The following SBNO2 variants were observed in gnomAD, a reference collection of about 807,000 sequenced individuals.
The protein encoded by SBNO2 is protein strawberry notch homolog 2.
Under a neutral mutation model 146.3 loss-of-function variants are expected in SBNO2, and 89 were observed. The observed-to-expected ratio is 0.61, with a 90% CI of 0.51 to 0.73. SBNO2 has a LOEUF of 0.73. Ranked by LOEUF, SBNO2 falls within the 30% of genes least tolerant of loss-of-function variation. The probability of loss-of-function intolerance (pLI) is 0.00; values close to 1 mark genes in which losing one functional copy is unlikely to be tolerated. For missense variants in SBNO2, 2,092 were observed against 2,003.7 expected, an observed-to-expected ratio of 1.04 and a Z score of -0.84; for synonymous variants, 1,147 against 892.6, an observed-to-expected ratio of 1.29 and a Z score of -5.08.
At chr19:1,143,200 G>C (rs2080156828) in intron 4 of SBNO2, among the ~76,000 whole-genome samples, 1 of 152,042 alleles carries the variant, frequency 6.6e-6, no homozygotes, top group Admixed American at 6.6e-5. Flanking sequence ...CCAACAAGCT[G>C]AATATGGTGG....
intron 1 of SBNO2, among the ~76,000 whole-genome samples, chr19:1,163,628 C>T (rs2080371738): frequency 6.6e-6 from 1 of 152,238 alleles, no homozygotes; most frequent in African/African-American, 2.4e-5. Context: ...GCAGTGGCTC[C>T]AGGCTGCCAA....
At chr19:1,129,303 A>AG (rs999038717) in intron 4 of SBNO2, among the ~76,000 whole-genome samples, 2 of 152,106 alleles carry the variant, frequency 1.3e-5, no homozygotes, top group Non-Finnish European at 1.5e-5. Context: ...AGGCATGTCA[A>AG]GGGGGCGCTG....
rs564235160 is a variant in SBNO2 at position 1,109,346 on chromosome 19, G to C, written c.3294C>G (p.Ile1098Met). Reference protein sequence around the residue: ...GQFFTVYKPNIGRQSQLEALD... With the variant: ...GQFFTVYKPNMGRQSQLEALD... ...GGGCCTCCAGCTGGCTCTGCCGGCC[G>C]ATGTTGGGCTTGTACACCGTGAAGA... The change falls in exon 29 of 32, where the codon ATC (isoleucine) becomes ATG (methionine). Residue 1098 changes from isoleucine to methionine, a missense_variant. Physicochemically the swap from Ile to Met is conservative, Grantham distance 10 (BLOSUM62 1). Transcript: ENST00000361757. The surrounding 1 kb of genome is among the most constrained non-coding windows in gnomAD (Gnocchi z 4.2). 4 of 1,593,960 alleles carry C rather than the reference G, an allele frequency of 2.5e-6. No individual in the cohort carries two copies. Among genetic ancestry groups the C allele is most frequent in the Non-Finnish European group, 3.4e-6 (4 of 1,171,348 alleles).
At position 1,108,894 on chromosome 19, in the gene SBNO2, C is replaced by G. The variant is rs1222193729; in HGVS notation, c.3501G>C (p.Leu1167=). The change falls in exon 31 of 32, where the codon CTG becomes CTC. Residue 1167 remains leucine (L), a synonymous_variant. Coordinates refer to ENST00000361757, the MANE Select transcript of SBNO2 (RefSeq NM_014963.3). ...QGLRLRHHYM[L]CGALLRVWGR... The stretch of plus-strand genomic sequence containing the variant: ...CCCACACGCGCAGCAGCGCGCCGCA[C>G]AGCATGTAGTGGTGCCGCAGCCGCA... 1 of 1,587,328 alleles carries G rather than the reference C, an allele frequency of 6.3e-7. No individual in the cohort carries two copies.
chr19:1,128,177 C>G (rs1356295727), intron 4 of SBNO2: 1 of 484,300 alleles, frequency 2.1e-6, no homozygotes, highest in South Asian at 1.5e-5. Flanking sequence ...GTGAGAAACA[C>G]CAACCCTCAG....
chr19:1,131,251 C>T lies in SBNO2; in HGVS notation c.280-3486G>A, dbSNP rs576031590. On this transcript the variant is annotated intron_variant, in intron 4 of 31. Transcript: ENST00000361757. Reference sequence around the variant, plus strand: ...CGGACCCAGTGCCTCCCCAGGGAACCGGGCCCCTCTGCAGTCTGTAGTGAG... The same window carrying T: ...CGGACCCAGTGCCTCCCCAGGGAACTGGGCCCCTCTGCAGTCTGTAGTGAG... Among the ~76,000 whole-genome samples the T allele has an allele frequency of 2.0e-5, 3 of 152,304 alleles. No individual in the cohort carries two copies. In the South Asian group the frequency reaches 6.2e-4, roughly 32 times the overall value.
chr19:1,168,326 C>T lies in SBNO2; in HGVS notation c.-127+5846G>A, dbSNP rs1472555371. Among the ~76,000 whole-genome samples, 6 of 152,226 alleles carry T rather than the reference C, an allele frequency of 3.9e-5. No homozygotes were observed. The East Asian group carries it at 9.7e-4, about 24-fold the overall frequency. The stretch of plus-strand genomic sequence containing the variant: ...CTGATAAAAGCCCCCGAAAATGCCC[C>T]GGTCAGCCCAGCCACACCCGGGCAA... On this transcript the variant is annotated intron_variant, in intron 1 of 31. Coordinates refer to ENST00000361757, the MANE Select transcript of SBNO2 (RefSeq NM_014963.3).
At position 1,122,810 on chromosome 19, in the gene SBNO2, C is replaced by A. The variant is rs933523615; in HGVS notation, c.781-19G>T. 6.5e-7 allele frequency: 1 copy of A among 1,538,032 alleles called. No homozygotes were observed. Among genetic ancestry groups the A allele is most frequent in the Non-Finnish European group, 8.7e-7 (1 of 1,146,068 alleles). ...CGTGTTGCTGTTGCCGGAGAGCAGG[C>A]GTCAGGGCCTGGGGGTGCTGGCCCG... On this transcript the variant is annotated intron_variant, in intron 8 of 31. Coordinates refer to ENST00000361757, the MANE Select transcript of SBNO2 (RefSeq NM_014963.3).
chr19:1,108,888 G>C lies in SBNO2; in HGVS notation c.3507C>G (p.Gly1169=), dbSNP rs752909677. ...LRLRHHYMLC[G]ALLRVWGRIA... ...TGCGGCCCCACACGCGCAGCAGCGCGCCGCACAGCATGTAGTGGTGCCGCA... is the reference window on the plus strand; with the variant it reads ...TGCGGCCCCACACGCGCAGCAGCGCCCCGCACAGCATGTAGTGGTGCCGCA... The change falls in exon 31 of 32, where the codon GGC becomes GGG. Residue 1169 remains glycine (G), a synonymous_variant. Coordinates refer to ENST00000361757, the MANE Select transcript of SBNO2 (RefSeq NM_014963.3). 2.5e-6 allele frequency: 4 copies of C among 1,588,590 alleles called. No individual in the cohort carries two copies. Among genetic ancestry groups the C allele is most frequent in the Non-Finnish European group, 3.4e-6 (4 of 1,174,620 alleles).
chr19:1,160,793 G>A (rs1303280323), intron 1 of SBNO2, among the ~76,000 whole-genome samples: 1 of 152,114 alleles, frequency 6.6e-6, no homozygotes, highest in Non-Finnish European at 1.5e-5. Context: ...GCCTCCCAAA[G>A]TGCTGGAATT....
chr19:1,171,182 C>T (rs1478362453), intron 1 of SBNO2, among the ~76,000 whole-genome samples: 3 of 152,010 alleles, frequency 2.0e-5, no homozygotes, highest in Non-Finnish European at 4.4e-5. Flanking sequence ...ACGAGCAACA[C>T]ACACATGCAC....
At chr19:1,156,090 G>A (rs1422081527) in intron 1 of SBNO2, among the ~76,000 whole-genome samples, 2 of 152,086 alleles carry the variant, frequency 1.3e-5, no homozygotes, top group Non-Finnish European at 2.9e-5. Flanking sequence ...CCCCATGACC[G>A]TCCTCGGGGT....
At chr19:1,135,570 C>T (rs759917564) in intron 4 of SBNO2, among the ~76,000 whole-genome samples, 87 of 152,222 alleles carry the variant, frequency 5.7e-4, no homozygotes, top group Non-Finnish European at 9.7e-4. Context: ...CACCCACCTC[C>T]GGCGCCCCGC....
At chr19:1,124,697 G>A (rs1342934434) in intron 5 of SBNO2, among the ~76,000 whole-genome samples, 5 of 152,170 alleles carry the variant, frequency 3.3e-5, no homozygotes, top group Non-Finnish European at 5.9e-5. Context: ...ATCCCACTGC[G>A]GCCCCACCCT....
Position 1,112,023 on chromosome 19 carries a change from G to A in SBNO2, c.2673C>T (p.Asp891=), listed in dbSNP as rs369473666. The stretch of plus-strand genomic sequence containing the variant: ...TGTTCTCAAAGTTGTACTTGCTGAG[G>A]TCACGGGACTCCGTGGCGCGGCGGT... The part of the protein sequence containing the change: ...HGDRRATESR[D]LSKYNFENKY... Residue 891 remains aspartate (D), a synonymous_variant, in exon 23 of 32, where the codon GAC becomes GAT. Transcript: ENST00000361757. This position sits in a 1 kb window ranked among gnomAD's most constrained non-coding sequence, Gnocchi z 5.9. 6.8e-6 allele frequency: 11 copies of A among 1,612,304 alleles called. No individual in the cohort carries two copies. The East Asian group carries it at 8.9e-5, about 13-fold the overall frequency.
At chr19:1,132,069 G>A (rs376237269) in intron 4 of SBNO2, 100 of 1,511,766 alleles carry the variant, frequency 6.6e-5, no homozygotes, top group Non-Finnish European at 8.6e-5. Context: ...GGCCTCGCCC[G>A]CCCCGGGAAG....
intron 4 of SBNO2, 121 bp from the exon 5 acceptor site, chr19:1,127,886 G>A: frequency 2.3e-6 from 2 of 888,726 alleles, no homozygotes; most frequent in South Asian, 3.2e-5. Context: ...ATGTGGGAAT[G>A]GGAGACACCA....
Position 1,160,459 on chromosome 19 carries a change from G to A in SBNO2, c.-126-6057C>T, listed in dbSNP as rs533981434. 2.9e-3 allele frequency among the ~76,000 whole-genome samples: 435 copies of A among 152,352 alleles called. 2 individuals carry two copies. Among genetic ancestry groups the A allele is most frequent in the African/African-American group, 0.01 (420 of 41,588 alleles). On this transcript the variant is annotated intron_variant, in intron 1 of 31. Transcript: ENST00000361757. ...TGAGTGCCTGGTGGACACCCCCGAA[G>A]GGCAGTGGGGAGACCCGGGGGAGGA...
rs964006011 is a variant in SBNO2 at position 1,112,736 on chromosome 19, G to A, written c.2379+82C>T. 5.1e-5 allele frequency: 75 copies of A among 1,482,434 alleles called. No individual in the cohort carries two copies. Among genetic ancestry groups the A allele is most frequent in the Admixed American group, 1.7e-4 (8 of 45,732 alleles). 91.8% of individuals were successfully genotyped at this position (1,482,434 alleles called of 1,614,324 possible). ...ACACACACACTCCAGAAGTGCGCGG[G>A]TCCACAGTCCCCGGGGACCCTTGGG... On this transcript the variant is annotated intron_variant, in intron 20 of 31. Coordinates refer to ENST00000361757, the MANE Select transcript of SBNO2 (RefSeq NM_014963.3). The surrounding 1 kb of genome is among the most constrained non-coding windows in gnomAD (Gnocchi z 5.9).
Sources: allele counts gnomAD v4.1 joint callset (sites outside exome capture counted in the v4.1 genomes callset), GRCh38; gene constraint gnomAD v4.1.1; non-coding constraint Gnocchi (gnomAD v3.1); transcripts MANE v1.5; gene names NCBI Gene and HGNC (gene_info 2026-07-23, HGNC 2026-07-21).